The following FOCAD variants were observed in gnomAD, a reference collection of about 807,000 sequenced individuals.
FOCAD encodes KIAA1797.
A neutral mutation model predicts 225.6 loss-of-function variants in FOCAD; 198 were observed. The observed-to-expected ratio is 0.88, with a 90% CI of 0.78 to 0.99. The LOEUF (loss-of-function observed/expected upper bound fraction) is 0.99, where lower values mean the gene tolerates loss of function less well. Among genes scored for constraint, FOCAD ranks in the 50% least tolerant of loss-of-function variants. The probability of loss-of-function intolerance (pLI) is 0.00; values close to 1 mark genes in which losing one functional copy is unlikely to be tolerated. For missense variants in FOCAD, 2,713 were observed against 2,123.6 expected, an observed-to-expected ratio of 1.28 and a Z score of -5.46; for synonymous variants, 897 against 755.0, an observed-to-expected ratio of 1.19 and a Z score of -3.08.
intron 19 of FOCAD, among the ~76,000 whole-genome samples, chr9:20,878,416 A>G (rs1587483156): frequency 6.6e-6 from 1 of 152,170 alleles, no homozygotes; most frequent in Admixed American, 6.5e-5. Context: ...AAGTCTAGTT[A>G]TTGCTCGGCC....
At chr9:20,721,988 C>A (rs1254682631) in intron 4 of FOCAD, among the ~76,000 whole-genome samples, 2 of 83,664 alleles carry the variant, frequency 2.4e-5, no homozygotes, top group Non-Finnish European at 2.4e-5. Flanking sequence ...TCCTTCCCTC[C>A]CTCCCTCCCT....
chr9:20,891,649 G>A (rs1831623846), intron 21 of FOCAD, among the ~76,000 whole-genome samples: 1 of 152,194 alleles, frequency 6.6e-6, no homozygotes, highest in Non-Finnish European at 1.5e-5. Flanking sequence ...TGAGGAAACT[G>A]CAGAAGAAAA....
intron 5 of FOCAD, among the ~76,000 whole-genome samples, chr9:20,755,595 A>T (rs1218087618): frequency 6.6e-6 from 1 of 152,150 alleles, no homozygotes; most frequent in African/African-American, 2.4e-5. Flanking sequence ...ATTGAAAAGC[A>T]CTTCGGTGCC....
chr9:20,874,667 G>T lies in FOCAD; in HGVS notation c.2191-14G>T, dbSNP rs200873529. On this transcript the variant is annotated splice_polypyrimidine_tract_variant and intron_variant, in intron 18 of 43. Coordinates refer to ENST00000338382, the MANE Select transcript of FOCAD (RefSeq NM_001375567.1). The stretch of plus-strand genomic sequence containing the variant: ...TTATTATCCTCTCTATGATCTTTTC[G>T]CTTATCATTTCAGATAAGACCAGAA... 3.1e-6 allele frequency: 5 copies of T among 1,610,434 alleles called. No homozygotes were observed. In the African/African-American group the frequency reaches 5.4e-5, roughly 17 times the overall value.
At chr9:20,995,327 C>T (rs1007896286) in intron 43 of FOCAD, among the ~76,000 whole-genome samples, 3 of 145,916 alleles carry the variant, frequency 2.1e-5, no homozygotes, top group African/African-American at 5.1e-5. Context: ...TTTAATTCTG[C>T]AGAATTTCCC....
At chr9:20,979,194 G>A (rs1031583901) in intron 37 of FOCAD, among the ~76,000 whole-genome samples, 2 of 152,214 alleles carry the variant, frequency 1.3e-5, no homozygotes, top group African/African-American at 4.8e-5. Flanking sequence ...GTTGATGTAA[G>A]TTAAATGCTG....
intron 2 of FOCAD, chr9:20,715,970 G>A (rs1433923504): frequency 4.5e-6 from 1 of 221,954 alleles, no homozygotes; most frequent in South Asian, 7.3e-5. Context: ...GGTTAATCAA[G>A]GTATCATAAT....
At position 20,768,144 on chromosome 9, in the gene FOCAD, G is replaced by A. The variant is rs10964689; in HGVS notation, c.700-1888G>A. On this transcript the variant is annotated intron_variant, in intron 7 of 43. Coordinates refer to ENST00000338382, the MANE Select transcript of FOCAD (RefSeq NM_001375567.1). ...AAAGATCAGATAGTTGTAGATATGC[G>A]GCGTTATTTCTGAGGGCTCTGTTCT... Among the ~76,000 whole-genome samples the A allele has an allele frequency of 6.6e-3, 977 of 148,312 alleles. 4 individuals carry two copies. The highest frequency in any genetic ancestry group is 0.014 in the Middle Eastern group (4 of 294).
intron 10 of FOCAD, among the ~76,000 whole-genome samples, chr9:20,787,860 C>G (rs115330023): frequency 0.013 from 1,959 of 152,042 alleles, 50 homozygotes; most frequent in African/African-American, 0.045. Flanking sequence ...CTATCTGTAT[C>G]TTATATTTTC....
At chr9:20,881,838 C>T (rs1308595624) in intron 19 of FOCAD, 33 bp from the exon 20 acceptor site, 1 of 1,594,162 alleles carries the variant, frequency 6.3e-7, no homozygotes, top group Middle Eastern at 1.7e-4. Flanking sequence ...ATTGTATTTA[C>T]TCTACTTTTG....
chr9:20,858,265 T>C (rs1564079135), intron 15 of FOCAD, among the ~76,000 whole-genome samples: 1 of 152,156 alleles, frequency 6.6e-6, no homozygotes, highest in African/African-American at 2.4e-5. Context: ...GCAATCTCAC[T>C]ACTTTTTATT....
chr9:20,787,661 A>T (rs905117383), intron 10 of FOCAD, among the ~76,000 whole-genome samples: 1 of 152,210 alleles, frequency 6.6e-6, no homozygotes, highest in African/African-American at 2.4e-5. Context: ...CATATAATGA[A>T]TGCAGCCTTC....
intron 39 of FOCAD, among the ~76,000 whole-genome samples, chr9:20,985,665 A>C (rs1341775934): frequency 1.3e-5 from 2 of 152,236 alleles, no homozygotes; most frequent in African/African-American, 4.8e-5. Flanking sequence ...CTGGGTATGC[A>C]GCACAGTTCC....
chr9:20,922,083 G>T (rs540898445), intron 24 of FOCAD, among the ~76,000 whole-genome samples: 1 of 152,260 alleles, frequency 6.6e-6, no homozygotes, highest in Admixed American at 6.5e-5. Context: ...AGAAATAAAA[G>T]ATTTAATTTT....
intron 34 of FOCAD, among the ~76,000 whole-genome samples, chr9:20,952,094 G>C (rs1564196493): frequency 6.6e-6 from 1 of 152,156 alleles, no homozygotes; most frequent in Non-Finnish European, 1.5e-5. Context: ...AGTCATACCG[G>C]AAGCCCTGGG....
At chr9:20,838,336 G>A (rs555298780) in intron 15 of FOCAD, among the ~76,000 whole-genome samples, 23 of 151,920 alleles carry the variant, frequency 1.5e-4, no homozygotes, top group African/African-American at 4.8e-4. Flanking sequence ...ATAGCCTGGT[G>A]GAATGTATTA....
intron 1 of FOCAD, among the ~76,000 whole-genome samples, chr9:20,714,622 G>GCCTGCCTGCCTA: frequency 8.8e-6 from 1 of 113,010 alleles, no homozygotes; most frequent in African/African-American, 3.8e-5. Flanking sequence ...CTGCCTGCCT[G>GCCTGCCTGCCTA]CCTGCCTGCC....
intron 28 of FOCAD, among the ~76,000 whole-genome samples, chr9:20,939,118 C>G (rs1836351803): frequency 8.2e-6 from 1 of 122,694 alleles, no homozygotes; most frequent in Admixed American, 1.0e-4. Flanking sequence ...CCACTGCACT[C>G]CAGCCTGGGC....
intron 10 of FOCAD, chr9:20,786,805 A>ACAACCACC (rs1290227358): frequency 3.7e-5 from 6 of 161,246 alleles, no homozygotes; most frequent in Non-Finnish European, 8.2e-5. Flanking sequence ...AAGATGTCTT[A>ACAACCACC]CAACCACCCA....
Sources: allele counts gnomAD v4.1 joint callset (sites outside exome capture counted in the v4.1 genomes callset), GRCh38; gene constraint gnomAD v4.1.1; transcripts MANE v1.5; gene names NCBI Gene and HGNC (gene_info 2026-07-23, HGNC 2026-07-21).